Variants in SYNE1 observed in about 807,000 individuals in gnomAD.
SYNE1 encodes the protein spectrin repeat containing nuclear envelope protein 1.
A neutral mutation model predicts 1,111.0 loss-of-function variants in SYNE1; 616 were observed. The observed-to-expected ratio is 0.55, with a 90% confidence interval of 0.52 to 0.59. The LOEUF (loss-of-function observed/expected upper bound fraction) is 0.59. Among genes scored for constraint, SYNE1 ranks in the 20% least tolerant of loss-of-function variants. The pLI is 0.00. For missense variants in SYNE1, 10,006 were observed against 10,417.0 expected (o/e 0.96, Z 1.72); for synonymous variants, 3,855 against 3,825.8 (o/e 1.01, Z -0.28).
intron 84 of SYNE1, among the ~76,000 whole-genome samples, chr6:152,319,472 C>T (rs933672303): frequency 1.3e-5 from 2 of 152,186 alleles, no homozygotes; most frequent in African/African-American, 4.8e-5. Context: ...GATCTGTTAA[C>T]TCTTTTTGTA....
intron 3 of SYNE1, among the ~76,000 whole-genome samples, chr6:152,573,197 T>C (rs2099474197): frequency 1.3e-5 from 2 of 152,030 alleles, no homozygotes; most frequent in Non-Finnish European, 2.9e-5. Context: ...TTATTATTAT[T>C]ATACTTTAAG....
intron 14 of SYNE1, among the ~76,000 whole-genome samples, chr6:152,472,904 T>C (rs1236861796): frequency 1.3e-5 from 2 of 152,212 alleles, no homozygotes; most frequent in African/African-American, 2.4e-5. Flanking sequence ...AAATCAATCA[T>C]ATTACAATAT....
At chr6:152,518,859 TAGAG>T (rs72326979) in intron 6 of SYNE1, among the ~76,000 whole-genome samples, 39,760 of 149,854 alleles carry the variant, frequency 0.27, 6,258 homozygotes, top group East Asian at 0.45. Flanking sequence ...CATACAGAGA[TAGAG>T]AGAGAGAGAG....
chr6:152,510,123 G>A (rs549630836), intron 8 of SYNE1, 70 bp downstream of exon 8: 121 of 1,447,520 alleles, frequency 8.4e-5, no homozygotes, highest in Non-Finnish European at 1.1e-4. Flanking sequence ...GCAATCATTA[G>A]AAGTTGCAAT....
intron 130 of SYNE1, chr6:152,167,628 C>G (rs753084680): frequency 2.3e-6 from 1 of 426,482 alleles, no homozygotes; most frequent in Non-Finnish European, 4.8e-6. Context: ...CAAACAAAAG[C>G]AACTTTCTCA....
chr6:152,375,682 T>C (rs985599627), intron 58 of SYNE1, among the ~76,000 whole-genome samples: 5 of 152,206 alleles, frequency 3.3e-5, no homozygotes, highest in African/African-American at 1.2e-4. Context: ...TCACTGACGC[T>C]TTTACCCTAT....
intron 104 of SYNE1, among the ~76,000 whole-genome samples, chr6:152,253,823 T>G (rs1478910987): frequency 1.9e-5 from 1 of 53,320 alleles, no homozygotes; most frequent in Non-Finnish European, 3.1e-5. Flanking sequence ...GTTTGGTTTT[T>G]TTTTTTTTTT....
At chr6:152,622,108 T>C (rs2099676791) in intron 3 of SYNE1, among the ~76,000 whole-genome samples, 1 of 152,182 alleles carries the variant, frequency 6.6e-6, no homozygotes, top group African/African-American at 2.4e-5. Context: ...CACTGTTTTG[T>C]ATCATACTTA....
chr6:152,423,427 T>C (rs1217246331), intron 39 of SYNE1, among the ~76,000 whole-genome samples: 2 of 152,030 alleles, frequency 1.3e-5, no homozygotes, highest in Non-Finnish European at 2.9e-5. Context: ...AGCCCTATAA[T>C]CCCCCCACTC....
rs1588181786 is a variant in SYNE1, at chr6:152,224,816, G to GAT, written c.21352-153_21352-152insAT. ...AAACTAAAAAGAAAAAGATTTAAAAGGTAAAATGTATCAACTTTGAAATTT... is the reference window on the plus strand; with the variant it reads ...AAACTAAAAAGAAAAAGATTTAAAAGATGTAAAATGTATCAACTTTGAAATTT... On this transcript the variant is annotated intron_variant, in intron 116 of 145. Coordinates refer to ENST00000367255, the MANE Select transcript of SYNE1 (RefSeq NM_182961.4). 1.4e-5 allele frequency: 11 copies of GAT among 802,472 alleles called. No individual in the cohort carries two copies. The East Asian group carries it at 3.1e-4, about 22-fold the overall frequency. 49.7% of individuals were successfully genotyped at this position (802,472 alleles called of 1,614,324 possible).
At chr6:152,153,487 T>C (rs962292374) in intron 133 of SYNE1, among the ~76,000 whole-genome samples, 1 of 152,248 alleles carries the variant, frequency 6.6e-6, no homozygotes, top group Non-Finnish European at 1.5e-5. Context: ...TCAATCATTA[T>C]AGAAGCTAAC....
chr6:152,196,997 T>C (rs1255633973), intron 127 of SYNE1, among the ~76,000 whole-genome samples: 1 of 152,180 alleles, frequency 6.6e-6, no homozygotes, highest in Non-Finnish European at 1.5e-5. Flanking sequence ...CTTGTGTAAA[T>C]GCTCCCTCCG....
intron 122 of SYNE1, 47 bp downstream of exon 122, chr6:152,214,859 C>A: frequency 6.2e-7 from 1 of 1,610,766 alleles, no homozygotes; most frequent in South Asian, 1.1e-5. Context: ...CGGCACAAAC[C>A]AGACTAAGAC....
At chr6:152,260,430 A>G (rs769989579) in intron 101 of SYNE1, among the ~76,000 whole-genome samples, 1 of 152,170 alleles carries the variant, frequency 6.6e-6, no homozygotes, top group Non-Finnish European at 1.5e-5. Context: ...CAGGGTGGAT[A>G]CGATTCTGGG....
At position 152,510,274 on chromosome 6, in the gene SYNE1, G is replaced by A. The variant is rs1483366553; in HGVS notation, c.500C>T (p.Pro167Leu). ...SIVSSETPSP[P>L]SKRKVTTKIQ... The stretch of plus-strand genomic sequence containing the variant: ...CTTGGTGGTCACCTTCCGTTTACTT[G>A]GTGGGCTGGGAGTCTCAGAGCTAAC... Residue 167 changes from proline (P) to leucine (L), a missense_variant, in exon 8 of 146, where the codon CCA (proline) becomes CTA (leucine). This residue lies in a region of SYNE1 where 1,971 missense variants were observed against 2,084.1 expected (regional missense o/e 0.95). Coordinates refer to ENST00000367255, the MANE Select transcript of SYNE1 (RefSeq NM_182961.4). 6.2e-7 allele frequency: 1 copy of A among 1,613,898 alleles called. No individual in the cohort carries two copies. Among genetic ancestry groups the A allele is most frequent in the South Asian group, 1.1e-5 (1 of 91,056 alleles).
intron 76 of SYNE1, chr6:152,336,606 T>G (rs539097359): frequency 1.7e-6 from 1 of 575,700 alleles, no homozygotes; most frequent in East Asian, 3.2e-5. Context: ...TGACAGGAGG[T>G]GGAGTTCAGG....
chr6:152,364,856 C>T lies in SYNE1; in HGVS notation c.10136G>A (p.Arg3379His), dbSNP rs764835758. ...MWASLLSAGIRCKSQLEGALS... is the reference protein window; with the variant it reads ...MWASLLSAGIHCKSQLEGALS... ...CTGTAGTTTCCCTCACCTTTTACAA[C>T]GAATCCCTGCAGACAAAAGGGATGC... The change falls in exon 63 of 146, where the codon CGT becomes CAT. Residue 3379 changes from arginine to histidine, a missense_variant. Physicochemically the swap from Arg to His is conservative, Grantham distance 29. This residue lies in a region of SYNE1 where 4,955 missense variants were observed against 5,017.2 expected (regional missense o/e 0.99). Transcript: ENST00000367255. 2.2e-5 allele frequency: 36 copies of T among 1,614,048 alleles called. No individual in the cohort carries two copies. Among genetic ancestry groups the T allele is most frequent in the Middle Eastern group, 1.6e-4 (1 of 6,084 alleles).
intron 127 of SYNE1, among the ~76,000 whole-genome samples, chr6:152,199,003 C>A (rs1160456903): frequency 3.0e-4 from 41 of 138,342 alleles, no homozygotes; most frequent in East Asian, 2.4e-3. Flanking sequence ...AAAAAAAAAC[C>A]AAAAAACAAA....
At position 152,316,850 on chromosome 6, in the gene SYNE1, T is replaced by C. The variant is rs928178334; in HGVS notation, c.16709A>G (p.Gln5570Arg). Residue 5570 changes from glutamine (Q) to arginine (R), a missense_variant and splice_region_variant, in exon 87 of 146, where the codon CAG becomes CGG. Gln to Arg is a conservative substitution (Grantham distance 43). Transcript: ENST00000367255. ...AAAGATTATTTTTCCTAAGGTTACC[T>C]GATGCAAAATATATTGTTCCCGAAG... is the stretch of plus-strand genomic sequence containing the variant. ...SQLREQYILH[Q>R]TLLEESKEID... is the part of the protein sequence containing the mutation. The C allele has an allele frequency of 2.5e-6, 4 of 1,614,032 alleles. No individual in the cohort carries two copies. The Admixed American group carries it at 5.0e-5, about 20-fold the overall frequency.
Sources: allele counts gnomAD v4.1 joint callset (sites outside exome capture counted in the v4.1 genomes callset), GRCh38; gene constraint gnomAD v4.1.1; regional missense constraint gnomAD v4.1.1; transcripts MANE v1.5; gene names NCBI Gene and HGNC (gene_info 2026-07-23, HGNC 2026-07-21).